Variants in RB1 observed in about 807,000 individuals in gnomAD.
RB1 encodes RB transcriptional corepressor 1, also known as retinoblastoma-associated protein.
RB1 carries 18 observed loss-of-function variants against 135.4 expected under a neutral mutation model. The ratio of observed to expected loss-of-function variants is 0.13; its 90% CI spans 0.09 to 0.20. RB1 has a LOEUF of 0.20. Among genes scored for constraint, RB1 ranks in the 10% least tolerant of loss-of-function variants. RB1 has a pLI of 1.00. For synonymous variants in RB1, 365 were observed against 373.2 expected, an observed-to-expected ratio of 0.98 and a Z score of 0.25; for missense variants, 868 against 1,110.0, an observed-to-expected ratio of 0.78 and a Z score of 3.10.
rs1441999746 is a variant in RB1 at position 48,322,943 on chromosome 13, A to G, written c.264+15537A>G. Reference sequence around the variant, plus strand: ...AATTTTTTTTTTTGAGGATTTCTATACGTGTATTTATAAGAGATTTTGGTC... The same window carrying G: ...AATTTTTTTTTTTGAGGATTTCTATGCGTGTATTTATAAGAGATTTTGGTC... On this transcript the variant is annotated intron_variant, in intron 2 of 26. Transcript: ENST00000267163. 4.6e-5 allele frequency among the ~76,000 whole-genome samples: 7 copies of G among 151,620 alleles called. No homozygotes were observed. In the East Asian group the frequency reaches 1.4e-3, roughly 29 times the overall value.
intron 17 of RB1, among the ~76,000 whole-genome samples, chr13:48,427,157 C>T (rs201184320): frequency 1.8e-4 from 27 of 149,944 alleles, no homozygotes; most frequent in Admixed American, 2.7e-4. Context: ...GGGGAGCACA[C>T]TTCAACACGA....
At chr13:48,338,640 C>G (rs550682683) in intron 2 of RB1, among the ~76,000 whole-genome samples, 69 of 152,324 alleles carry the variant, frequency 4.5e-4, no homozygotes, top group African/African-American at 1.7e-3. Flanking sequence ...TTCTTTAGCT[C>G]GGAGAAGTTT....
chr13:48,326,467 T>C (rs1298670648), intron 2 of RB1, among the ~76,000 whole-genome samples: 1 of 152,052 alleles, frequency 6.6e-6, no homozygotes, highest in Non-Finnish European at 1.5e-5. Context: ...AATATTTCAT[T>C]TGGGTCAAGA....
chr13:48,325,642 T>C (rs1317592341), intron 2 of RB1, among the ~76,000 whole-genome samples: 1 of 152,212 alleles, frequency 6.6e-6, no homozygotes, highest in Non-Finnish European at 1.5e-5. Context: ...TAGCAATATA[T>C]CTTGAAGAGC....
At chr13:48,334,924 T>A (rs1220538090) in intron 2 of RB1, among the ~76,000 whole-genome samples, 1 of 152,110 alleles carries the variant, frequency 6.6e-6, no homozygotes, top group Admixed American at 6.5e-5. Context: ...TTTTCTCGAG[T>A]ATTTCTAATT....
At chr13:48,330,347 A>C (rs575440024) in intron 2 of RB1, among the ~76,000 whole-genome samples, 3 of 152,220 alleles carry the variant, frequency 2.0e-5, no homozygotes, top group Admixed American at 2.0e-4. Flanking sequence ...TAAATGAAAG[A>C]CTCAAAAAAC....
chr13:48,346,399 TG>T, intron 4 of RB1, among the ~76,000 whole-genome samples: 1 of 150,852 alleles, frequency 6.6e-6, no homozygotes, highest in African/African-American at 2.4e-5. Flanking sequence ...TGTGTGTGTG[TG>T]TGTGTGTGTG....
intron 17 of RB1, among the ~76,000 whole-genome samples, chr13:48,390,612 T>C (rs9526475): frequency 0.57 from 86,885 of 152,020 alleles, 29,078 homozygotes; most frequent in Non-Finnish European, 0.73. Flanking sequence ...TCTCTCTCAA[T>C]ACCTAATCTA....
chr13:48,344,975 T>C (rs1250516755), intron 3 of RB1, 105 bp from the exon 4 acceptor site: 1 of 1,341,582 alleles, frequency 7.5e-7, no homozygotes, highest in East Asian at 2.4e-5. Flanking sequence ...AGTGATTTGA[T>C]GTAGAGCTGA....
At chr13:48,320,439 G>C in intron 2 of RB1, 1 of 994,128 alleles carries the variant, frequency 1.0e-6, no homozygotes, top group Non-Finnish European at 1.6e-6. Context: ...ATTTGGACTG[G>C]GGAGCAACCC....
At chr13:48,405,031 T>C (rs198607) in intron 17 of RB1, among the ~76,000 whole-genome samples, 32,086 of 152,040 alleles carry the variant, frequency 0.21, 3,809 homozygotes, top group South Asian at 0.27. Context: ...TTGACTGCCC[T>C]TTTGAAATGA....
chr13:48,411,141 C>G (rs377029953), intron 17 of RB1: 4 of 366,526 alleles, frequency 1.1e-5, no homozygotes, highest in African/African-American at 4.1e-5. Flanking sequence ...CACTAAATAA[C>G]TTTAAGAGAT....
chr13:48,365,690 CTGAAT>C (rs556958896), intron 9 of RB1, among the ~76,000 whole-genome samples: 126 of 152,220 alleles, frequency 8.3e-4, no homozygotes, highest in Non-Finnish European at 1.5e-3. Flanking sequence ...GTTCTGTAAC[CTGAAT>C]TGATAGCTAG....
intron 17 of RB1, among the ~76,000 whole-genome samples, chr13:48,418,709 CA>C (rs1217781825): frequency 0.075 from 8,188 of 109,632 alleles, 599 homozygotes; most frequent in African/African-American, 0.22. Flanking sequence ...AAATGGAAAG[CA>C]AAAAAAAAAA....
chr13:48,311,688 GT>G (rs894944526), intron 2 of RB1, among the ~76,000 whole-genome samples: 10 of 152,006 alleles, frequency 6.6e-5, no homozygotes, highest in Non-Finnish European at 5.9e-5. Context: ...TTTAAATTCT[GT>G]TTTTTATTAA....
At chr13:48,375,471 T>C (rs935065650) in intron 12 of RB1, among the ~76,000 whole-genome samples, 3 of 151,160 alleles carry the variant, frequency 2.0e-5, no homozygotes, top group African/African-American at 7.3e-5. Flanking sequence ...TCTAAGTTTG[T>C]GTGCTGTTTT....
At chr13:48,445,652 A>T (rs1045641960) in intron 17 of RB1, among the ~76,000 whole-genome samples, 1 of 152,038 alleles carries the variant, frequency 6.6e-6, no homozygotes, top group Non-Finnish European at 1.5e-5. Context: ...ATCCACCTGG[A>T]TCTCCCTGTT....
intron 26 of RB1, among the ~76,000 whole-genome samples, chr13:48,479,719 C>T (rs1025967717): frequency 5.9e-5 from 9 of 151,778 alleles, no homozygotes; most frequent in East Asian, 3.9e-4. Flanking sequence ...TGTTTTGATA[C>T]GTGTACACAA....
intron 17 of RB1, among the ~76,000 whole-genome samples, chr13:48,398,900 A>C (rs183295910): frequency 8.1e-4 from 124 of 152,240 alleles, no homozygotes; most frequent in Admixed American, 3.9e-3. Flanking sequence ...AGTAACAAGA[A>C]AGGGAAAAGT....
Sources: gnomAD v4.1 joint callset for allele counts (sites outside exome capture counted in the v4.1 genomes callset) on GRCh38, gnomAD v4.1.1 for gene constraint, MANE v1.5 for transcripts, NCBI Gene and HGNC (gene_info 2026-07-23, HGNC 2026-07-21) for gene names.